The following NRCAM variants were observed in gnomAD, a reference collection of about 807,000 sequenced individuals.
NRCAM encodes the protein neuronal cell adhesion molecule.
Under a neutral mutation model 156.5 loss-of-function variants are expected in NRCAM, and 83 were observed. The observed-to-expected ratio is 0.53, with a 90% CI of 0.44 to 0.64. The LOEUF is 0.64. Ranked by LOEUF, NRCAM falls within the 30% of genes least tolerant of loss-of-function variation. The probability of loss-of-function intolerance (pLI) is 0.00; values close to 1 mark genes in which losing one functional copy is unlikely to be tolerated. For missense variants in NRCAM, 1,417 were observed against 1,597.3 expected (o/e 0.89, Z 1.92); for synonymous variants, 538 against 563.9 (o/e 0.95, Z 0.65).
At chr7:108,152,263 A>C (rs1479447927) in intron 32 of NRCAM, among the ~76,000 whole-genome samples, 1 of 152,098 alleles carries the variant, frequency 6.6e-6, no homozygotes, top group South Asian at 2.1e-4. Flanking sequence ...TCAAGCAGTA[A>C]TATCTGGTCA....
In NRCAM at chr7:108,456,302, GGT is replaced by G. The variant is rs1340328940; in HGVS notation, c.-393_-392del. On this transcript the variant is annotated 5_prime_UTR_variant, in exon 1 of 33. Coordinates refer to ENST00000379028, the MANE Select transcript of NRCAM (RefSeq NM_001037132.4). ...CGACTGCCCAGGACCCTGGACCGCC[GGT>G]GTCCTCCGTTCTCGACGAAGCTATC... The G allele has an allele frequency of 1.3e-5, 2 of 152,120 alleles. No homozygotes were observed. Among genetic ancestry groups the G allele is most frequent in the Non-Finnish European group, 2.9e-5 (2 of 68,114 alleles). 9.4% of individuals were successfully genotyped at this position (152,120 alleles called of 1,614,324 possible).
At chr7:108,389,799 A>G (rs1295799076) in intron 2 of NRCAM, among the ~76,000 whole-genome samples, 1 of 152,198 alleles carries the variant, frequency 6.6e-6, no homozygotes, top group African/African-American at 2.4e-5. Context: ...CCTTTTCTGC[A>G]TCTATTGAGA....
chr7:108,441,426 T>C (rs1838383504), intron 1 of NRCAM, among the ~76,000 whole-genome samples: 1 of 152,164 alleles, frequency 6.6e-6, no homozygotes, highest in South Asian at 2.1e-4. Context: ...CTGAATGTGC[T>C]GTAGATTAGA....
intron 30 of NRCAM, among the ~76,000 whole-genome samples, chr7:108,163,742 G>T (rs1008329047): frequency 6.6e-6 from 1 of 151,826 alleles, no homozygotes; most frequent in Admixed American, 6.6e-5. Context: ...CGGGGGCAGG[G>T]AGTGGCGCTA....
chr7:108,168,226 TA>T lies in NRCAM; in HGVS notation c.3313+50del, dbSNP rs2056075752. On this transcript the variant is annotated intron_variant, in intron 29 of 32. Transcript: ENST00000379028. Reference sequence around the variant, plus strand: ...ATTCTTAAGAATGTTTTTAATCTTTTAAAAAATGCATCCCCCAAATTAAAAA... The same window carrying T: ...ATTCTTAAGAATGTTTTTAATCTTTTAAAAATGCATCCCCCAAATTAAAAA... The T allele has an allele frequency of 4.8e-6, 7 of 1,460,582 alleles. No individual in the cohort carries two copies. The South Asian group carries it at 9.4e-5, about 20-fold the overall frequency. The allele number at this position is 1,460,582 out of a possible 1,614,324, so 90.5% of individuals were successfully genotyped here.
intron 2 of NRCAM, among the ~76,000 whole-genome samples, chr7:108,366,267 C>T (rs2099591261): frequency 6.6e-6 from 1 of 152,178 alleles, no homozygotes; most frequent in African/African-American, 2.4e-5. Context: ...AGGCATAATA[C>T]ATATCAGATT....
intron 30 of NRCAM, among the ~76,000 whole-genome samples, chr7:108,163,368 T>C (rs2050611075): frequency 6.6e-6 from 1 of 152,230 alleles, no homozygotes; most frequent in Admixed American, 6.5e-5. Context: ...CTGAGGAAAA[T>C]GCTCTTGAGT....
At position 108,438,024 on chromosome 7, in the gene NRCAM, TAAG is replaced by T. The variant is rs1450356080; in HGVS notation, c.-332+18216_-332+18218del. On this transcript the variant is annotated intron_variant, in intron 1 of 32. Transcript: ENST00000379028. ...GACATGGAAAATCCAAATAGGCCTA[TAAG>T]AAGTAAAAAAAAAAAAAATTAATTA... 2.1e-5 allele frequency among the ~76,000 whole-genome samples: 3 copies of T among 140,978 alleles called. No individual in the cohort carries two copies. In the East Asian group the frequency reaches 5.9e-4, roughly 28 times the overall value. The allele number at this position is 140,978 out of a possible 152,430, so 92.5% of individuals were successfully genotyped here. A position where few individuals can be genotyped will look rare whatever the true frequency, so the allele number is the denominator to read the frequency against.
intron 3 of NRCAM, among the ~76,000 whole-genome samples, chr7:108,259,169 A>G (rs2096794929): frequency 6.6e-6 from 1 of 152,162 alleles, no homozygotes; most frequent in African/African-American, 2.4e-5. Context: ...ACCCTCTCCT[A>G]AAGAACTCGT....
At chr7:108,412,258 C>CA (rs5886460) in intron 1 of NRCAM, among the ~76,000 whole-genome samples, 7 of 148,886 alleles carry the variant, frequency 4.7e-5, no homozygotes, top group African/African-American at 9.8e-5. Context: ...TTAAATTTTA[C>CA]AAAAAAAAAA....
chr7:108,446,333 T>G (rs566432333), intron 1 of NRCAM, among the ~76,000 whole-genome samples: 8 of 152,218 alleles, frequency 5.3e-5, no homozygotes, highest in Non-Finnish European at 8.8e-5. Flanking sequence ...TGGTTTCTCA[T>G]GGTCTAGATC....
chr7:108,177,906 TGAG>T, intron 26 of NRCAM, 81 bp downstream of exon 26: 1 of 1,270,602 alleles, frequency 7.9e-7, no homozygotes, highest in Non-Finnish European at 1.1e-6. Context: ...ACGTACCCCA[TGAG>T]GAGGTATAAT....
At chr7:108,212,578 A>T (rs1318378104) in intron 11 of NRCAM, among the ~76,000 whole-genome samples, 2 of 152,298 alleles carry the variant, frequency 1.3e-5, no homozygotes, top group Admixed American at 1.3e-4. Context: ...GAAACATTGG[A>T]CACACTTATA....
At chr7:108,351,763 C>CTTT (rs11460232) in intron 2 of NRCAM, among the ~76,000 whole-genome samples, 23 of 149,890 alleles carry the variant, frequency 1.5e-4, no homozygotes, top group South Asian at 1.1e-3. Flanking sequence ...ATATTGACCA[C>CTTT]TTTTTTTTTT....
At chr7:108,265,107 C>A (rs1200827150) in intron 3 of NRCAM, among the ~76,000 whole-genome samples, 1 of 152,154 alleles carries the variant, frequency 6.6e-6, no homozygotes, top group Non-Finnish European at 1.5e-5. Flanking sequence ...GTGCGGGAGC[C>A]GTGGCTCATA....
chr7:108,274,081 G>T (rs138908455), intron 3 of NRCAM, among the ~76,000 whole-genome samples: 1 of 152,138 alleles, frequency 6.6e-6, no homozygotes, highest in Non-Finnish European at 1.5e-5. Context: ...TGAGGTCTCT[G>T]TTCTGTTCCA....
chr7:108,209,172 T>C (rs536216621), intron 12 of NRCAM, among the ~76,000 whole-genome samples: 4 of 152,306 alleles, frequency 2.6e-5, no homozygotes, highest in East Asian at 1.9e-4. Context: ...GATTCTAATA[T>C]TGACTTTTCT....
chr7:108,261,300 G>GA (rs1443364316), intron 3 of NRCAM, among the ~76,000 whole-genome samples: 1 of 152,150 alleles, frequency 6.6e-6, no homozygotes, highest in Non-Finnish European at 1.5e-5. Flanking sequence ...AGATTTTCCT[G>GA]AAGCCCAAGC....
At chr7:108,178,218 A>C in intron 25 of NRCAM, 106 bp from the exon 26 acceptor site, 1 of 1,146,538 alleles carries the variant, frequency 8.7e-7, no homozygotes, top group Non-Finnish European at 1.2e-6. Context: ...GAGTTTCAGT[A>C]ACTCATTCCT....
Sources: allele counts gnomAD v4.1 joint callset (sites outside exome capture counted in the v4.1 genomes callset), GRCh38; gene constraint gnomAD v4.1.1; transcripts MANE v1.5; gene names NCBI Gene and HGNC (gene_info 2026-07-23, HGNC 2026-07-21).